Variants in CADM2 observed in about 807,000 individuals in gnomAD.
CADM2 encodes the protein immunoglobulin superfamily member 4D.
In CADM2, 12 loss-of-function variants were observed where a neutral mutation model predicts 49.8. That is an observed-to-expected ratio of 0.24 (90% CI 0.15 to 0.39). The LOEUF is 0.39. Ranked by LOEUF, CADM2 falls within the 10% of genes least tolerant of loss-of-function variation. The pLI is 1.00. For synonymous variants in CADM2, 214 were observed against 175.4 expected (o/e 1.22, Z -1.74); for missense variants, 378 against 492.3 (o/e 0.77, Z 2.20).
chr3:85,414,268 C>T (rs2035810936), intron 1 of CADM2, among the ~76,000 whole-genome samples: 1 of 152,076 alleles, frequency 6.6e-6, no homozygotes, highest in African/African-American at 2.4e-5. Flanking sequence ...TTAACAAAAT[C>T]GTCTTTAACA....
intron 1 of CADM2, among the ~76,000 whole-genome samples, chr3:85,601,056 TTA>T (rs1165112821): frequency 6.8e-6 from 1 of 146,366 alleles, no homozygotes; most frequent in African/African-American, 2.5e-5. Context: ...ATACCTATAT[TTA>T]TATATATATC....
At chr3:85,638,518 A>C (rs1461618840) in intron 1 of CADM2, among the ~76,000 whole-genome samples, 2 of 152,082 alleles carry the variant, frequency 1.3e-5, no homozygotes, top group African/African-American at 4.8e-5. Context: ...TTTCAACAGA[A>C]CTAGTTATAA....
rs182229990 is a variant in CADM2, at chr3:84,974,874, T to C, written c.61+15206T>C. On this transcript the variant is annotated intron_variant, in intron 1 of 9. Transcript: ENST00000383699. Reference sequence around the variant, plus strand: ...AAAACCTCATAGTTGGCTTTTTATTTACCAAATCTTTGATTATTATTAGAG... The same window carrying C: ...AAAACCTCATAGTTGGCTTTTTATTCACCAAATCTTTGATTATTATTAGAG... 3.3e-3 allele frequency among the ~76,000 whole-genome samples: 500 copies of C among 152,034 alleles called. 5 individuals carry two copies. Among genetic ancestry groups the C allele is most frequent in the East Asian group, 0.013 (70 of 5,190 alleles).
intron 1 of CADM2, among the ~76,000 whole-genome samples, chr3:85,400,326 T>C (rs939821628): frequency 6.6e-6 from 1 of 152,220 alleles, no homozygotes; most frequent in African/African-American, 2.4e-5. Flanking sequence ...ATAAGCTCTT[T>C]AATGTGCTGC....
At chr3:85,433,954 C>G (rs1171588588) in intron 1 of CADM2, among the ~76,000 whole-genome samples, 3 of 152,046 alleles carry the variant, frequency 2.0e-5, no homozygotes, top group African/African-American at 2.4e-5. Context: ...CAGGTTACAT[C>G]CCTTAGACTT....
chr3:85,998,552 T>C (rs554182305), intron 8 of CADM2, among the ~76,000 whole-genome samples: 1 of 152,270 alleles, frequency 6.6e-6, no homozygotes, highest in South Asian at 2.1e-4. Flanking sequence ...TAAATATATA[T>C]TTATCTATGC....
chr3:85,227,546 G>C (rs975289202), intron 1 of CADM2, among the ~76,000 whole-genome samples: 4 of 149,832 alleles, frequency 2.7e-5, no homozygotes, highest in Non-Finnish European at 5.9e-5. Flanking sequence ...TGTGAGATGA[G>C]TCTCCTGAAT....
intron 2 of CADM2, among the ~76,000 whole-genome samples, chr3:85,778,440 A>G (rs1297350479): frequency 3.3e-5 from 5 of 152,116 alleles, no homozygotes; most frequent in Non-Finnish European, 5.9e-5. Flanking sequence ...CATGGAGGTA[A>G]TTGAATCATC....
rs113870963 is a variant in CADM2, at chr3:85,183,890, C to T, written c.61+224222C>T. Among the ~76,000 whole-genome samples, 310 of 152,158 alleles carry T rather than the reference C, an allele frequency of 2.0e-3. 1 individual carries two copies. Among genetic ancestry groups the T allele is most frequent in the African/African-American group, 7.1e-3 (293 of 41,524 alleles). ...GCAATTAATTTAATAAGCATTAACT[C>T]AGTGGGATCAGAATTTTAGAAAAAG... On this transcript the variant is annotated intron_variant, in intron 1 of 9. Transcript: ENST00000383699.
chr3:85,846,669 C>G (rs1180284591), intron 3 of CADM2, among the ~76,000 whole-genome samples: 1 of 152,016 alleles, frequency 6.6e-6, no homozygotes, highest in Non-Finnish European at 1.5e-5. Context: ...GAGTTTAAGA[C>G]CAGCCTAGGT....
At chr3:85,542,211 G>C (rs572208312) in intron 1 of CADM2, among the ~76,000 whole-genome samples, 1,658 of 152,050 alleles carry the variant, frequency 0.011, 16 homozygotes, top group Non-Finnish European at 0.017. Context: ...GATCATAAAG[G>C]CCAGCTCTCT....
At chr3:85,970,534 T>C (rs984435177) in intron 8 of CADM2, among the ~76,000 whole-genome samples, 2 of 151,638 alleles carry the variant, frequency 1.3e-5, no homozygotes, top group Non-Finnish European at 3.0e-5. Context: ...TCTTAAATTA[T>C]AGGTTAGCAA....
chr3:85,714,678 C>G (rs1009441596), intron 1 of CADM2, among the ~76,000 whole-genome samples: 12 of 152,098 alleles, frequency 7.9e-5, no homozygotes, highest in Non-Finnish European at 1.8e-4. Flanking sequence ...GATCCGCCCG[C>G]CTCAGCCTCC....
chr3:85,191,114 A>G (rs2041197126), intron 1 of CADM2, among the ~76,000 whole-genome samples: 1 of 152,056 alleles, frequency 6.6e-6, no homozygotes, highest in Non-Finnish European at 1.5e-5. Context: ...GTACAGATGT[A>G]GGCCAGGTAG....
At chr3:85,516,335 C>A (rs1401055840) in intron 1 of CADM2, among the ~76,000 whole-genome samples, 1 of 152,106 alleles carries the variant, frequency 6.6e-6, no homozygotes, top group Non-Finnish European at 1.5e-5. Flanking sequence ...GATAAAAGCT[C>A]TGTATTGGTT....
chr3:85,829,219 A>G (rs2074068222), intron 3 of CADM2, among the ~76,000 whole-genome samples: 1 of 152,044 alleles, frequency 6.6e-6, no homozygotes, highest in African/African-American at 2.4e-5. Flanking sequence ...CATTCAAGAT[A>G]ATGTCTGTGA....
Position 85,562,194 on chromosome 3 carries a change from A to T in CADM2, c.62-164328A>T, listed in dbSNP as rs544662901. ...ATCTCCTCGTAACAACATTAATTGT[A>T]AAATTAAGATAAGAGTACTTCACTC... is the stretch of plus-strand genomic sequence containing the variant. On this transcript the variant is annotated intron_variant, in intron 1 of 9. Coordinates refer to ENST00000383699, the MANE Select transcript of CADM2 (RefSeq NM_001167675.2). Among the ~76,000 whole-genome samples the T allele has an allele frequency of 7.2e-5, 11 of 152,244 alleles. No homozygotes were observed. The East Asian group carries it at 1.9e-3, about 27-fold the overall frequency.
chr3:85,014,328 G>A (rs895926964), intron 1 of CADM2, among the ~76,000 whole-genome samples: 1 of 151,604 alleles, frequency 6.6e-6, no homozygotes, highest in African/African-American at 2.4e-5. Flanking sequence ...ATTTATTGCA[G>A]AATGTTGTTA....
At chr3:85,835,261 C>T (rs2108244335) in intron 3 of CADM2, among the ~76,000 whole-genome samples, 1 of 149,530 alleles carries the variant, frequency 6.7e-6, no homozygotes, top group East Asian at 2.0e-4. Flanking sequence ...AAAAGCTACA[C>T]TTTATAATTT....
Sources: allele counts gnomAD v4.1 joint callset (sites outside exome capture counted in the v4.1 genomes callset), GRCh38; gene constraint gnomAD v4.1.1; transcripts MANE v1.5; gene names NCBI Gene and HGNC (gene_info 2026-07-23, HGNC 2026-07-21).